COL5A1: variants seen among roughly 807,000 people sequenced by gnomAD.
COL5A1 encodes the protein collagen alpha-1(V) chain.
A neutral mutation model predicts 263.7 loss-of-function variants in COL5A1; 16 were observed. The ratio of observed to expected loss-of-function variants is 0.06; its 90% CI spans 0.04 to 0.09. The LOEUF (loss-of-function observed/expected upper bound fraction) is 0.09, where lower values mean the gene tolerates loss of function less well. Ranked by LOEUF, COL5A1 falls within the 10% of genes least tolerant of loss-of-function variation. The pLI is 1.00. For synonymous variants in COL5A1, 1,012 were observed against 1,004.5 expected (o/e 1.01, Z -0.14); for missense variants, 2,036 against 2,540.5 (o/e 0.80, Z 4.27).
In COL5A1 at chr9:134,750,379, G is replaced by A. The variant is rs575767935; in HGVS notation, c.1495-163G>A. ...CCACAGCCGTGCCCCTCCCTTCTCC[G>A]GGTGGGGGTTTCTGAAACATTCCTG... On this transcript the variant is annotated intron_variant, in intron 11 of 65. Coordinates refer to ENST00000371817, the MANE Select transcript of COL5A1 (RefSeq NM_000093.5). 1.7e-4 allele frequency among the ~76,000 whole-genome samples: 26 copies of A among 152,232 alleles called. 1 individual carries two copies. In the East Asian group the frequency reaches 3.3e-3, roughly 19 times the overall value.
intron 65 of COL5A1, among the ~76,000 whole-genome samples, chr9:134,839,317 G>A (rs550434249): frequency 8.8e-4 from 134 of 152,296 alleles, no homozygotes; most frequent in African/African-American, 2.8e-3. Flanking sequence ...CTGGAATAAC[G>A]GGGTAACAGA....
rs771146636 is a variant in COL5A1 at position 134,812,672 on chromosome 9, C to T, written c.3812C>T (p.Pro1271Leu). 48 of 1,593,286 alleles carry T rather than the reference C, an allele frequency of 3.0e-5. No homozygotes were observed. The highest frequency in any genetic ancestry group is 3.5e-5 in the Non-Finnish European group (41 of 1,170,368). ...CCAGGTGCTGATGGCCCACAAGGTCCCCCAGGTGGAATAGGAAACCCTGGT... is the reference window on the plus strand; with the variant it reads ...CCAGGTGCTGATGGCCCACAAGGTCTCCCAGGTGGAATAGGAAACCCTGGT... ...GAPGADGPQG[P>L]PGGIGNPGAV... Residue 1271 changes from proline (P) to leucine (L), a missense_variant, in exon 48 of 66, where the codon CCC becomes CTC. Pro to Leu is a moderately conservative substitution (Grantham distance 98). This residue lies in a region of COL5A1 where 1,078 missense variants were observed against 1,521.4 expected (regional missense o/e 0.71). Transcript: ENST00000371817.
At chr9:134,685,218 TCCATTCACC>T in intron 1 of COL5A1, among the ~76,000 whole-genome samples, 2 of 80,862 alleles carry the variant, frequency 2.5e-5, no homozygotes, top group African/African-American at 4.3e-5. Context: ...CCATCCACCA[TCCATTCACC>T]CATCCATCCA....
intron 1 of COL5A1, among the ~76,000 whole-genome samples, chr9:134,674,740 G>T (rs1184206970): frequency 6.6e-6 from 1 of 152,132 alleles, no homozygotes; most frequent in African/African-American, 2.4e-5. Context: ...ACAAAAGTTA[G>T]CTGGGTATAG....
At chr9:134,684,646 G>A (rs1832954701) in intron 1 of COL5A1, among the ~76,000 whole-genome samples, 1 of 152,222 alleles carries the variant, frequency 6.6e-6, no homozygotes, top group African/African-American at 2.4e-5. Flanking sequence ...AAGCCCTAGA[G>A]TGACATGGAA....
chr9:134,662,074 A>C (rs1054227938), intron 1 of COL5A1, among the ~76,000 whole-genome samples: 1 of 151,804 alleles, frequency 6.6e-6, no homozygotes, highest in Admixed American at 6.6e-5. Flanking sequence ...TTTAAGCCCA[A>C]ATGAAATTAC....
intron 25 of COL5A1, 135 bp downstream of exon 25, chr9:134,768,598 T>C: frequency 1.1e-6 from 1 of 874,920 alleles, no homozygotes; most frequent in East Asian, 2.5e-5. Context: ...GAAGACCCGT[T>C]TGGTCTCCAG....
At position 134,800,749 on chromosome 9, in the gene COL5A1, CAAAAA is replaced by C. The variant is rs397951217; in HGVS notation, c.2953-1185_2953-1181del. Among the ~76,000 whole-genome samples, 22 of 81,616 alleles carry C rather than the reference CAAAAA, an allele frequency of 2.7e-4. 1 individual carries two copies. In the South Asian group the frequency reaches 4.3e-3, roughly 16 times the overall value. 53.5% of individuals were successfully genotyped at this position (81,616 alleles called of 152,430 possible). A position where few individuals can be genotyped will look rare whatever the true frequency, so the allele number is the denominator to read the frequency against. Reference sequence around the variant, plus strand: ...AACAGGAGTGAAACTCTGTCTCAAACAAAAAAAAAAAAAAAAAAAAAAAAGAAGCT... The same window carrying C: ...AACAGGAGTGAAACTCTGTCTCAAACAAAAAAAAAAAAAAAAAAAGAAGCT... On this transcript the variant is annotated intron_variant, in intron 37 of 65. Transcript: ENST00000371817.
chr9:134,685,442 T>TCATAC (rs774617624), intron 1 of COL5A1, among the ~76,000 whole-genome samples: 3 of 896 alleles, frequency 3.3e-3, no homozygotes, highest in Non-Finnish European at 5.5e-3. Flanking sequence ...ATCCATCCAT[T>TCATAC]GTCCATCATC....
intron 1 of COL5A1, among the ~76,000 whole-genome samples, chr9:134,690,343 G>A (rs1011359485): frequency 8.5e-5 from 13 of 152,160 alleles, no homozygotes; most frequent in African/African-American, 2.4e-4. Context: ...TGACATCCCC[G>A]TGACCTCTGG....
At chr9:134,804,547 G>A (rs938248573) in intron 39 of COL5A1, among the ~76,000 whole-genome samples, 5 of 152,212 alleles carry the variant, frequency 3.3e-5, no homozygotes, top group Non-Finnish European at 7.3e-5. Flanking sequence ...ATGGCCCATC[G>A]TAGCCCTTAA....
intron 40 of COL5A1, 25 bp from the exon 41 acceptor site, chr9:134,805,136 G>C: frequency 6.2e-7 from 1 of 1,614,032 alleles, no homozygotes; most frequent in Middle Eastern, 1.7e-4. Flanking sequence ...ACGTGCCCTT[G>C]ACCAACCTTT....
At chr9:134,689,332 T>G (rs143531050) in intron 1 of COL5A1, among the ~76,000 whole-genome samples, 114 of 152,196 alleles carry the variant, frequency 7.5e-4, no homozygotes, top group African/African-American at 2.7e-3. Context: ...CTGATCACCA[T>G]TCCTCCCTGG....
rs144286960 is a variant in COL5A1 at position 134,686,479 on chromosome 9, C to T, written c.110-4433C>T. On this transcript the variant is annotated intron_variant, in intron 1 of 65. Transcript: ENST00000371817. This position sits in a 1 kb window ranked among gnomAD's most constrained non-coding sequence, Gnocchi z 4.6. ...GTTGCCCAGGTTGATCTCCAACTCC[C>T]GAGCTCAAGCCATCTGCCTGCCTCG... is the stretch of plus-strand genomic sequence containing the variant. Among the ~76,000 whole-genome samples the T allele has an allele frequency of 1.4e-4, 22 of 152,192 alleles. 1 individual carries two copies. The highest frequency in any genetic ancestry group is 1.0e-3 in the South Asian group (5 of 4,820).
At position 134,795,192 on chromosome 9, in the gene COL5A1, A is replaced by G. The variant is rs4072882; in HGVS notation, c.2745+66A>G. On this transcript the variant is annotated intron_variant, in intron 33 of 65. Coordinates refer to ENST00000371817, the MANE Select transcript of COL5A1 (RefSeq NM_000093.5). ...GAGCATGGTTTAGGGAGCACGTGCC[A>G]GGGGCTGGGGGAAGGCAGTGTCTGT... 0.59 allele frequency: 947,369 copies of G among 1,612,266 alleles called. 283,129 individuals carry two copies. Among genetic ancestry groups the G allele is most frequent in the African/African-American group, 0.85 (63,358 of 74,854 alleles).
intron 1 of COL5A1, among the ~76,000 whole-genome samples, chr9:134,679,423 G>T (rs1416349621): frequency 2.5e-4 from 26 of 104,986 alleles, no homozygotes; most frequent in Non-Finnish European, 3.5e-4. Flanking sequence ...CTGTGGGGCT[G>T]GTTGGGGGCA....
At chr9:134,739,053 G>A (rs533087005) in intron 11 of COL5A1, among the ~76,000 whole-genome samples, 7 of 152,218 alleles carry the variant, frequency 4.6e-5, no homozygotes, top group Non-Finnish European at 7.3e-5. Context: ...CAGCCCAGAC[G>A]GTGGCCTCAG....
intron 52 of COL5A1, among the ~76,000 whole-genome samples, chr9:134,816,581 TGA>T (rs1379208026): frequency 6.6e-6 from 1 of 152,216 alleles, no homozygotes; most frequent in Non-Finnish European, 1.5e-5. Flanking sequence ...GTCACTGAGT[TGA>T]GAGGAGCGTC....
In COL5A1 at chr9:134,817,131, C is replaced by CT. The variant is rs775798207; in HGVS notation, c.4176+52_4176+53insT. Reference sequence around the variant, plus strand: ...GCTGTCAAATCCCTGCATGAAACACCCCCGCCCCTCCCCGTCACCTTTGCT... The same window carrying CT: ...GCTGTCAAATCCCTGCATGAAACACCTCCCGCCCCTCCCCGTCACCTTTGCT... On this transcript the variant is annotated intron_variant, in intron 53 of 65. Coordinates refer to ENST00000371817, the MANE Select transcript of COL5A1 (RefSeq NM_000093.5). The CT allele has an allele frequency of 5.1e-5, 76 of 1,488,680 alleles. No individual in the cohort carries two copies. The African/African-American group carries it at 9.5e-4, about 19-fold the overall frequency. The allele number at this position is 1,488,680 out of a possible 1,614,324, so 92.2% of individuals were successfully genotyped here.
Sources: allele counts gnomAD v4.1 joint callset (sites outside exome capture counted in the v4.1 genomes callset), GRCh38; gene constraint gnomAD v4.1.1; regional missense constraint gnomAD v4.1.1; non-coding constraint Gnocchi (gnomAD v3.1); transcripts MANE v1.5; gene names NCBI Gene and HGNC (gene_info 2026-07-23, HGNC 2026-07-21).